The following NCKAP5 variants were observed in gnomAD, a reference collection of about 807,000 sequenced individuals.
NCKAP5 encodes the protein nck-associated protein 5.
In NCKAP5, 92 loss-of-function variants were observed where a neutral mutation model predicts 167.0. The observed-to-expected ratio is 0.55, with a 90% confidence interval of 0.47 to 0.66. The LOEUF is 0.66. Among genes scored for constraint, NCKAP5 ranks in the 30% least tolerant of loss-of-function variants. The probability of loss-of-function intolerance (pLI) is 0.00; values close to 1 mark genes in which losing one functional copy is unlikely to be tolerated. For synonymous variants in NCKAP5, 891 were observed against 877.4 expected (o/e 1.02, Z -0.27); for missense variants, 2,378 against 2,315.0 (o/e 1.03, Z -0.56).
chr2:133,140,824 A>T (rs1263478144), intron 5 of NCKAP5, among the ~76,000 whole-genome samples: 1 of 149,724 alleles, frequency 6.7e-6, no homozygotes, highest in Non-Finnish European at 1.5e-5. Context: ...CAAATTATAT[A>T]CAAAATAATA....
At chr2:133,465,369 T>C (rs1339502299) in intron 3 of NCKAP5, among the ~76,000 whole-genome samples, 1 of 152,016 alleles carries the variant, frequency 6.6e-6, no homozygotes, top group Non-Finnish European at 1.5e-5. Context: ...TAGTATTCCA[T>C]GGTGTATATG....
intron 8 of NCKAP5, among the ~76,000 whole-genome samples, chr2:132,882,894 C>T (rs2148827684): frequency 6.6e-6 from 1 of 152,092 alleles, no homozygotes; most frequent in South Asian, 2.1e-4. Context: ...CTTTTAAAAT[C>T]ATGTCCTTTG....
intron 9 of NCKAP5, among the ~76,000 whole-genome samples, chr2:132,874,044 G>C (rs1691053579): frequency 6.6e-6 from 1 of 150,706 alleles, no homozygotes; most frequent in Admixed American, 6.6e-5. Flanking sequence ...CAAGAAATGA[G>C]TATTTTGAAC....
intron 3 of NCKAP5, among the ~76,000 whole-genome samples, chr2:133,400,256 A>G (rs1574883253): frequency 6.6e-6 from 1 of 152,220 alleles, no homozygotes; most frequent in Non-Finnish European, 1.5e-5. Flanking sequence ...GTAAAGGATC[A>G]GTGATTATCA....
At chr2:133,165,262 C>T (rs1208392661) in intron 5 of NCKAP5, among the ~76,000 whole-genome samples, 2 of 152,212 alleles carry the variant, frequency 1.3e-5, no homozygotes, top group Admixed American at 6.5e-5. Context: ...GGTGGGACTG[C>T]ACACTGTACA....
At chr2:133,602,581 C>T in the NCKAP5 span, among the ~76,000 whole-genome samples, 6 of 152,230 alleles carry the variant, frequency 3.9e-5, no homozygotes, top group African/African-American at 1.2e-4. Context: ...GGAGGTCTGC[C>T]GGCATTTTCC....
At chr2:132,907,674 T>C (rs1694107629) in intron 8 of NCKAP5, among the ~76,000 whole-genome samples, 4 of 152,152 alleles carry the variant, frequency 2.6e-5, no homozygotes, top group Non-Finnish European at 4.4e-5. Context: ...TTCTTTTTTT[T>C]TGAGAAGGAG....
chr2:132,876,586 T>C (rs1189350462), intron 9 of NCKAP5, among the ~76,000 whole-genome samples: 3 of 152,204 alleles, frequency 2.0e-5, no homozygotes, highest in Non-Finnish European at 4.4e-5. Context: ...TTACAATGTG[T>C]GGAAATGGAT....
intron 4 of NCKAP5, among the ~76,000 whole-genome samples, chr2:133,244,268 C>G (rs2087867133): frequency 6.6e-6 from 1 of 152,146 alleles, no homozygotes; most frequent in African/African-American, 2.4e-5. Flanking sequence ...TTGTCAAATT[C>G]CCTTGTAATC....
intron 6 of NCKAP5, among the ~76,000 whole-genome samples, chr2:133,110,156 G>A (rs56798890): frequency 0.02 from 3,031 of 152,170 alleles, 93 homozygotes; most frequent in African/African-American, 0.07. Flanking sequence ...TTACAGACTC[G>A]ATTTCCTTTT....
rs114457015 is a variant in NCKAP5 at position 132,699,208 on chromosome 2, T to C, written c.5714-25903A>G. On this transcript the variant is annotated intron_variant, in intron 19 of 19. Transcript: ENST00000409261. ...TGCACTCTCTCTTTATGGATGATAG[T>C]AGACAGTGATATAAATCCTGATTCT... 2.1e-3 allele frequency among the ~76,000 whole-genome samples: 321 copies of C among 152,312 alleles called. 1 individual carries two copies. Among genetic ancestry groups the C allele is most frequent in the Middle Eastern group, 6.8e-3 (2 of 294 alleles).
Position 132,784,126 on chromosome 2 carries a change from T to C in NCKAP5, c.2685A>G (p.Ser895=). The change falls in exon 14 of 20, where the codon TCA becomes TCG. Residue 895 remains serine, a synonymous_variant. Coordinates refer to ENST00000409261, the MANE Select transcript of NCKAP5 (RefSeq NM_207363.3). ...VQCPKSQTPG[S]RSRPAIESSD... ...TAGACTCAATGGCAGGCCTTGACCG[T>C]GACCCTGGAGTCTGACTCTTGGGGC... The C allele has an allele frequency of 6.6e-7, 1 of 1,522,658 alleles. No homozygotes were observed. The highest frequency in any genetic ancestry group is 8.8e-7 in the Non-Finnish European group (1 of 1,137,482). The allele number at this position is 1,522,658 out of a possible 1,614,324, so 94.3% of individuals were successfully genotyped here.
At chr2:133,020,048 T>C (rs771143882) in intron 6 of NCKAP5, among the ~76,000 whole-genome samples, 3 of 152,186 alleles carry the variant, frequency 2.0e-5, no homozygotes, top group Non-Finnish European at 2.9e-5. Flanking sequence ...TGTCAGAAAA[T>C]AGTTACTAAA....
At chr2:133,236,060 T>C (rs1235245469) in intron 4 of NCKAP5, among the ~76,000 whole-genome samples, 2 of 106,078 alleles carry the variant, frequency 1.9e-5, no homozygotes, top group Non-Finnish European at 3.5e-5. Flanking sequence ...ATCAAGACCC[T>C]GTCTCAGACC....
At chr2:133,542,543 C>A (rs1470236658) in intron 2 of NCKAP5, among the ~76,000 whole-genome samples, 1 of 152,186 alleles carries the variant, frequency 6.6e-6, no homozygotes, top group Non-Finnish European at 1.5e-5. Flanking sequence ...AAGTAGCAAA[C>A]CTCAGAACAT....
intron 3 of NCKAP5, among the ~76,000 whole-genome samples, chr2:133,390,639 C>T (rs1032956097): frequency 2.2e-4 from 33 of 152,180 alleles, no homozygotes; most frequent in Non-Finnish European, 2.9e-5. Context: ...TTTCATCAGC[C>T]TCTAATTTCC....
the NCKAP5 span, among the ~76,000 whole-genome samples, chr2:133,641,117 CTT>C: frequency 6.6e-6 from 1 of 152,186 alleles, no homozygotes; most frequent in Non-Finnish European, 1.5e-5. Context: ...ATTCGGGAAT[CTT>C]CCATAATTAT....
chr2:132,988,937 G>A (rs1460100815), intron 7 of NCKAP5, among the ~76,000 whole-genome samples: 2 of 152,102 alleles, frequency 1.3e-5, no homozygotes, highest in African/African-American at 4.8e-5. Context: ...ACCATCTGAG[G>A]CCATAAGTCT....
At chr2:133,004,450 G>A (rs2077891245) in intron 6 of NCKAP5, among the ~76,000 whole-genome samples, 1 of 152,110 alleles carries the variant, frequency 6.6e-6, no homozygotes. Context: ...GCCTCTGGGG[G>A]TGGGCATCAC....
Sources: gnomAD v4.1 joint callset for allele counts (sites outside exome capture counted in the v4.1 genomes callset) on GRCh38, gnomAD v4.1.1 for gene constraint, MANE v1.5 for transcripts, NCBI Gene and HGNC (gene_info 2026-07-23, HGNC 2026-07-21) for gene names.